STPG2: variants seen among roughly 807,000 people sequenced by gnomAD.
STPG2 encodes the protein sperm tail PG-rich repeat containing 2.
A neutral mutation model predicts 54.2 loss-of-function variants in STPG2; 56 were observed. The ratio of observed to expected loss-of-function variants is 1.03; its 90% CI spans 0.83 to 1.29. STPG2 has a LOEUF of 1.29. STPG2 is among the 50% of genes most tolerant of loss of function. The pLI, the probability that STPG2 is intolerant of heterozygous loss-of-function variation, is 0.00. For synonymous variants in STPG2, 200 were observed against 181.8 expected (o/e 1.10, Z -0.81); for missense variants, 596 against 544.9 (o/e 1.09, Z -0.93).
chr4:97,928,117 T>C (rs1189553439), intron 8 of STPG2, among the ~76,000 whole-genome samples: 1 of 152,132 alleles, frequency 6.6e-6, no homozygotes, highest in Non-Finnish European at 1.5e-5. Context: ...CACTAGAGTT[T>C]TAGTGTATTA....
At chr4:97,656,714 C>T (rs1044494552) in intron 10 of STPG2, among the ~76,000 whole-genome samples, 58 of 150,050 alleles carry the variant, frequency 3.9e-4, no homozygotes, top group Middle Eastern at 3.4e-3. Context: ...AGATGGACAT[C>T]GAATACTAGT....
rs186642405 is a variant in STPG2 at position 97,858,760 on chromosome 4, T to G, written c.1045-17828A>C. ...CTTTTCATTGCTGAGTAGTATTCCA[T>G]GGTGTACGTATACCACATTTTGATT... On this transcript the variant is annotated intron_variant, in intron 8 of 10. Coordinates refer to ENST00000295268, the MANE Select transcript of STPG2 (RefSeq NM_174952.3). Among the ~76,000 whole-genome samples the G allele has an allele frequency of 2.1e-3, 316 of 152,326 alleles. 1 individual carries two copies. Among genetic ancestry groups the G allele is most frequent in the Non-Finnish European group, 3.5e-3 (235 of 68,032 alleles).
chr4:97,845,373 A>G (rs1728917958), intron 8 of STPG2, among the ~76,000 whole-genome samples: 1 of 152,106 alleles, frequency 6.6e-6, no homozygotes, highest in African/African-American at 2.4e-5. Flanking sequence ...CTTAGTAAGC[A>G]ACATTATAAG....
At chr4:98,072,720 G>C (rs1033764269) in intron 5 of STPG2, among the ~76,000 whole-genome samples, 6 of 152,156 alleles carry the variant, frequency 3.9e-5, no homozygotes, top group African/African-American at 1.4e-4. Context: ...CATTAGGCTA[G>C]GAGATCAGGA....
intron 10 of STPG2, among the ~76,000 whole-genome samples, chr4:97,641,539 GA>G (rs1169520636): frequency 6.6e-6 from 1 of 151,180 alleles, no homozygotes; most frequent in East Asian, 1.9e-4. Context: ...CAATATCAAA[GA>G]TATAGAATAT....
intron 8 of STPG2, among the ~76,000 whole-genome samples, chr4:97,905,081 A>C (rs1202167219): frequency 6.6e-6 from 1 of 151,988 alleles, no homozygotes; most frequent in Non-Finnish European, 1.5e-5. Context: ...GCAGGCCAAC[A>C]TTCAGATTCA....
intron 8 of STPG2, among the ~76,000 whole-genome samples, chr4:97,858,432 G>A (rs989674673): frequency 6.6e-6 from 1 of 152,010 alleles, no homozygotes; most frequent in Non-Finnish European, 1.5e-5. Context: ...CAATAGTTTT[G>A]GAGAAACAGG....
chr4:97,538,873 G>C (rs1397766551), intron 4 of STPG2, among the ~76,000 whole-genome samples: 1 of 152,180 alleles, frequency 6.6e-6, no homozygotes, highest in East Asian at 1.9e-4. Context: ...CCAGAAGAGA[G>C]TGGGGGCCAA....
At chr4:97,801,970 T>G (rs1432747676) in intron 9 of STPG2, among the ~76,000 whole-genome samples, 3 of 152,228 alleles carry the variant, frequency 2.0e-5, no homozygotes, top group African/African-American at 7.2e-5. Context: ...CAAACTAGCA[T>G]GCATTAGAAT....
chr4:97,788,002 A>T (rs1726878803), intron 9 of STPG2, among the ~76,000 whole-genome samples: 5 of 151,998 alleles, frequency 3.3e-5, no homozygotes, highest in Admixed American at 2.6e-4. Flanking sequence ...TGATGCAAAC[A>T]CACAATGTGT....
At chr4:98,079,360 C>T (rs1738267534) in intron 5 of STPG2, among the ~76,000 whole-genome samples, 1 of 152,150 alleles carries the variant, frequency 6.6e-6, no homozygotes, top group South Asian at 2.1e-4. Context: ...TCACTACTGA[C>T]AATGATAAAA....
chr4:97,919,861 G>A (rs924773415), intron 8 of STPG2, among the ~76,000 whole-genome samples: 5 of 152,090 alleles, frequency 3.3e-5, no homozygotes, highest in Non-Finnish European at 7.4e-5. Context: ...TATAAGAAAG[G>A]ACATTTGCAT....
At chr4:97,807,082 ATG>A (rs1259129933) in intron 9 of STPG2, among the ~76,000 whole-genome samples, 37 of 151,752 alleles carry the variant, frequency 2.4e-4, no homozygotes, top group African/African-American at 8.4e-4. Flanking sequence ...TTTGTTTCCA[ATG>A]TTTTTCTATA....
intron 8 of STPG2, among the ~76,000 whole-genome samples, chr4:97,896,449 T>G (rs1730956170): frequency 6.6e-6 from 1 of 151,776 alleles, no homozygotes; most frequent in South Asian, 2.1e-4. Flanking sequence ...CAAGTGCAGT[T>G]GCTGCAGATG....
intron 9 of STPG2, among the ~76,000 whole-genome samples, chr4:97,820,889 C>A (rs938896938): frequency 1.3e-5 from 2 of 152,208 alleles, no homozygotes; most frequent in Non-Finnish European, 2.9e-5. Flanking sequence ...GACTCAAACA[C>A]TTCCCACCAG....
At chr4:98,061,255 A>T (rs1181091565) in intron 5 of STPG2, among the ~76,000 whole-genome samples, 1 of 152,182 alleles carries the variant, frequency 6.6e-6, no homozygotes, top group East Asian at 1.9e-4. Flanking sequence ...GAGACTGGGT[A>T]ATTTATGAAG....
chr4:98,102,561 T>C (rs1739069273), intron 5 of STPG2, among the ~76,000 whole-genome samples: 2 of 152,232 alleles, frequency 1.3e-5, no homozygotes. Context: ...TAGCTGTTTA[T>C]GCCTTGGGTC....
intron 4 of STPG2, among the ~76,000 whole-genome samples, chr4:97,542,721 A>G (rs1183450965): frequency 6.6e-6 from 1 of 152,222 alleles, no homozygotes; most frequent in Non-Finnish European, 1.5e-5. Flanking sequence ...GAACGAACCG[A>G]AATGTCCAAC....
intron 9 of STPG2, among the ~76,000 whole-genome samples, chr4:97,742,003 G>A (rs1203709451): frequency 6.6e-6 from 1 of 152,016 alleles, no homozygotes; most frequent in East Asian, 1.9e-4. Context: ...AGAAAATGTG[G>A]CACATATACA....
Sources: gnomAD v4.1 joint callset for allele counts (sites outside exome capture counted in the v4.1 genomes callset) on GRCh38, gnomAD v4.1.1 for gene constraint, MANE v1.5 for transcripts, NCBI Gene and HGNC (gene_info 2026-07-23, HGNC 2026-07-21) for gene names.